SP110: variants seen among roughly 807,000 people sequenced by gnomAD.
SP110 encodes interferon-induced protein 41, 30kD.
A neutral mutation model predicts 92.7 loss-of-function variants in SP110; 62 were observed. The observed-to-expected ratio is 0.67, with a 90% confidence interval of 0.55 to 0.83. The LOEUF is 0.83. Among genes scored for constraint, SP110 ranks in the 40% least tolerant of loss-of-function variants. The probability of loss-of-function intolerance (pLI) is 0.00; values close to 1 mark genes in which losing one functional copy is unlikely to be tolerated. For synonymous variants in SP110, 273 were observed against 305.3 expected (o/e 0.89, Z 1.10); for missense variants, 793 against 863.9 (o/e 0.92, Z 1.03).
intron 3 of SP110, 117 bp from the exon 4 acceptor site, chr2:230,213,144 C>A: frequency 1.0e-6 from 1 of 995,696 alleles, no homozygotes. Context: ...TTCATTGTCC[C>A]CCAGGTGCAG....
chr2:230,216,884 T>A lies in SP110; in HGVS notation c.44A>T (p.His15Leu), dbSNP rs1213296261. The A allele has an allele frequency of 6.2e-7, 1 of 1,613,914 alleles. No homozygotes were observed. The highest frequency in any genetic ancestry group is 8.5e-7 in the Non-Finnish European group (1 of 1,179,966). Reference sequence around the variant, plus strand: ...GATCCCCAGCTTCTGGTGCATGAAGTGCTGAAAAAGAGCCTCTTCCATGGC... The same window carrying A: ...GATCCCCAGCTTCTGGTGCATGAAGAGCTGAAAAAGAGCCTCTTCCATGGC... ...TRAMEEALFQ[H>L]FMHQKLGIAY... is the part of the protein sequence containing the mutation. Residue 15 changes from histidine (H) to leucine (L), a missense_variant, in exon 2 of 19, where the codon CAC (histidine) becomes CTC (leucine). By Grantham distance (99) the His-to-Leu change is moderately conservative (BLOSUM62 -3). Coordinates refer to ENST00000258381, the MANE Select transcript of SP110 (RefSeq NM_080424.4).
chr2:230,199,706 A>G (rs1447258462), intron 10 of SP110, among the ~76,000 whole-genome samples: 1 of 152,148 alleles, frequency 6.6e-6, no homozygotes, highest in African/African-American at 2.4e-5. Context: ...TTTCTTCTTC[A>G]CACTTATGCT....
intron 10 of SP110, among the ~76,000 whole-genome samples, chr2:230,197,493 T>G (rs1451818905): frequency 1.3e-5 from 2 of 148,694 alleles, no homozygotes; most frequent in South Asian, 2.1e-4. Flanking sequence ...TTTTGTAGGT[T>G]GCCTGTTCAC....
chr2:230,175,241 C>A (rs1191199696), intron 14 of SP110, among the ~76,000 whole-genome samples: 2 of 152,162 alleles, frequency 1.3e-5, no homozygotes, highest in Non-Finnish European at 2.9e-5. Flanking sequence ...CCACACGTCA[C>A]AACTAGCATT....
chr2:230,199,145 ATTATTTTTTTTT>A (rs2043012920), intron 10 of SP110, among the ~76,000 whole-genome samples: 1 of 121,680 alleles, frequency 8.2e-6, no homozygotes, highest in South Asian at 2.7e-4. Context: ...TATTATTATT[ATTATTTTTTTTT>A]TTTTTTAGTG....
At chr2:230,180,908 T>C (rs1306267772) in intron 12 of SP110, among the ~76,000 whole-genome samples, 1 of 152,174 alleles carries the variant, frequency 6.6e-6, no homozygotes, top group African/African-American at 2.4e-5. Context: ...TTGGAACACA[T>C]AGGTTGATTT....
At chr2:230,219,428 C>G (rs2045591954) in intron 1 of SP110, 1 of 152,086 alleles carries the variant, frequency 6.6e-6, no homozygotes, top group Non-Finnish European at 1.5e-5. Context: ...TTTGAATTTC[C>G]ACTTCTAATA....
intron 10 of SP110, among the ~76,000 whole-genome samples, chr2:230,189,151 A>G (rs898734228): frequency 6.6e-6 from 1 of 152,108 alleles, no homozygotes; most frequent in Non-Finnish European, 1.5e-5. Context: ...TTTTCAAAGA[A>G]CCAGCTTTTT....
intron 10 of SP110, among the ~76,000 whole-genome samples, chr2:230,197,369 C>T (rs371627389): frequency 0.077 from 11,575 of 150,432 alleles, 498 homozygotes; most frequent in South Asian, 0.23. Context: ...TCATATCCTT[C>T]GCCCACTTTT....
rs955962918 is a variant in SP110 at position 230,217,063 on chromosome 2, T to A, written c.-1-135A>T. On this transcript the variant is annotated intron_variant, in intron 1 of 18. Coordinates refer to ENST00000258381, the MANE Select transcript of SP110 (RefSeq NM_080424.4). The stretch of plus-strand genomic sequence containing the variant: ...GAGATTGAGACCATCCTGGCCAACA[T>A]GGTGAAACTCTGTCTCTACTAAAAA... The A allele has an allele frequency of 6.0e-6, 4 of 663,338 alleles. No homozygotes were observed. The African/African-American group carries it at 7.2e-5, about 12-fold the overall frequency. The allele number at this position is 663,338 out of a possible 1,614,324, so 41.1% of individuals were successfully genotyped here.
chr2:230,209,137 A>G (rs953491439), intron 7 of SP110, among the ~76,000 whole-genome samples: 1 of 152,210 alleles, frequency 6.6e-6, no homozygotes, highest in African/African-American at 2.4e-5. Flanking sequence ...TAAAAGGAGA[A>G]AAGCTCAAGG....
rs564409787 is a variant in SP110 at position 230,189,155 on chromosome 2, G to A, written c.1130-3012C>T. Among the ~76,000 whole-genome samples the A allele has an allele frequency of 2.6e-5, 4 of 152,034 alleles. No individual in the cohort carries two copies. In the East Asian group the frequency reaches 7.7e-4, roughly 29 times the overall value. On this transcript the variant is annotated intron_variant, in intron 10 of 18. Transcript: ENST00000258381. ...TTTTGTTTATCTTTTCAAAGAACCA[G>A]CTTTTTGTTTAATTGATCTTTTTTA... is the stretch of plus-strand genomic sequence containing the variant.
intron 14 of SP110, chr2:230,173,407 G>A (rs1396003925): frequency 1.7e-5 from 4 of 231,182 alleles, no homozygotes; most frequent in Non-Finnish European, 2.7e-5. Context: ...CCCCATGGTC[G>A]TAACATAACA....
chr2:230,212,641 G>T, intron 4 of SP110, 120 bp downstream of exon 4: 2 of 1,353,482 alleles, frequency 1.5e-6, no homozygotes, highest in Non-Finnish European at 1.1e-6. Flanking sequence ...TTGTGTTTGG[G>T]TAGATGGGTG....
chr2:230,225,242 G>A (rs572065149), intron 1 of SP110, among the ~76,000 whole-genome samples: 1 of 152,306 alleles, frequency 6.6e-6, no homozygotes, highest in Non-Finnish European at 1.5e-5. Flanking sequence ...CCCAACCTCA[G>A]CACTTGCCTT....
intron 3 of SP110, 32 bp downstream of exon 3, chr2:230,214,918 A>T: frequency 6.3e-7 from 1 of 1,598,700 alleles, no homozygotes; most frequent in Non-Finnish European, 8.6e-7. Flanking sequence ...GCAACTTTTT[A>T]AATGCAAAAA....
upstream of SP110, among the ~76,000 whole-genome samples, chr2:230,224,255 T>C (rs929325379): frequency 1.3e-5 from 2 of 152,136 alleles, no homozygotes; most frequent in African/African-American, 4.8e-5. Flanking sequence ...AATGTCCAGT[T>C]CATTGGTGTC....
At chr2:230,197,934 G>A (rs1257983345) in intron 10 of SP110, among the ~76,000 whole-genome samples, 5 of 152,174 alleles carry the variant, frequency 3.3e-5, no homozygotes, top group African/African-American at 1.2e-4. Context: ...TTACAGGTGT[G>A]AGCTACCATG....
intron 10 of SP110, among the ~76,000 whole-genome samples, chr2:230,191,463 C>T (rs563739442): frequency 6.6e-6 from 1 of 152,250 alleles, no homozygotes; most frequent in East Asian, 1.9e-4. Context: ...CATCACTGAT[C>T]CCACAGAAAT....
Sources: gnomAD v4.1 joint callset for allele counts (sites outside exome capture counted in the v4.1 genomes callset) on GRCh38, gnomAD v4.1.1 for gene constraint, MANE v1.5 for transcripts, NCBI Gene and HGNC (gene_info 2026-07-23, HGNC 2026-07-21) for gene names.